The following EYA2 variants were observed in gnomAD, a reference collection of about 807,000 sequenced individuals.
EYA2 encodes protein phosphatase EYA2.
In EYA2, 31 loss-of-function variants were observed where a neutral mutation model predicts 69.2. The observed-to-expected ratio is 0.45, with a 90% CI of 0.34 to 0.60. The LOEUF (loss-of-function observed/expected upper bound fraction) is 0.60. Ranked by LOEUF, EYA2 falls within the 20% of genes least tolerant of loss-of-function variation. The pLI, the probability that EYA2 is intolerant of heterozygous loss-of-function variation, is 0.02. For missense variants in EYA2, 622 were observed against 701.2 expected, an observed-to-expected ratio of 0.89 and a Z score of 1.28; for synonymous variants, 257 against 279.4, an observed-to-expected ratio of 0.92 and a Z score of 0.80.
chr20:46,909,230 T>C (rs1984527603), intron 1 of EYA2, among the ~76,000 whole-genome samples: 1 of 152,100 alleles, frequency 6.6e-6, no homozygotes, highest in Non-Finnish European at 1.5e-5. Flanking sequence ...CAAAGAACTT[T>C]TTATGTTGTT....
intron 10 of EYA2, among the ~76,000 whole-genome samples, chr20:47,145,036 A>G (rs1422413608): frequency 6.6e-6 from 1 of 152,232 alleles, no homozygotes; most frequent in Non-Finnish European, 1.5e-5. Flanking sequence ...GGTTGTTTTC[A>G]TTCTTGCTTA....
chr20:46,929,405 G>A (rs1252008237), intron 1 of EYA2, among the ~76,000 whole-genome samples: 2 of 93,678 alleles, frequency 2.1e-5, no homozygotes, highest in South Asian at 4.7e-4. Flanking sequence ...AAAAGCTTGT[G>A]GACTGAGAAG....
intron 9 of EYA2, among the ~76,000 whole-genome samples, chr20:47,141,880 C>G (rs1019007948): frequency 1.3e-5 from 2 of 152,210 alleles, no homozygotes; most frequent in African/African-American, 4.8e-5. Context: ...TGTGCTCCTT[C>G]TTGTAGCACA....
At chr20:47,161,487 T>C in intron 10 of EYA2, 1 of 449,988 alleles carries the variant, frequency 2.2e-6, no homozygotes, top group South Asian at 1.7e-5. Context: ...GAGATAGATC[T>C]CCTCCAGGAA....
At chr20:47,158,837 TAAAAC>T (rs1377010379) in intron 10 of EYA2, among the ~76,000 whole-genome samples, 2 of 150,884 alleles carry the variant, frequency 1.3e-5, no homozygotes, top group African/African-American at 4.9e-5. Context: ...AACAACAAAA[TAAAAC>T]AAAAGCTGGA....
intron 1 of EYA2, among the ~76,000 whole-genome samples, chr20:46,904,282 G>A (rs1416273443): frequency 6.6e-6 from 1 of 152,050 alleles, no homozygotes; most frequent in Non-Finnish European, 1.5e-5. Flanking sequence ...ATGGTAGCTT[G>A]TATTATTACC....
chr20:47,017,825 G>C (rs1983502830), intron 5 of EYA2, among the ~76,000 whole-genome samples: 2 of 152,202 alleles, frequency 1.3e-5, no homozygotes, highest in South Asian at 4.1e-4. Flanking sequence ...TGACTGATTT[G>C]TCCAACACCA....
chr20:47,012,557 G>A (rs1983135405), intron 4 of EYA2, among the ~76,000 whole-genome samples: 1 of 152,194 alleles, frequency 6.6e-6, no homozygotes, highest in African/African-American at 2.4e-5. Flanking sequence ...GCATTGGCAT[G>A]ATCTTGGCTC....
At chr20:47,111,062 T>A (rs1357048907) in intron 9 of EYA2, among the ~76,000 whole-genome samples, 1 of 152,260 alleles carries the variant, frequency 6.6e-6, no homozygotes, top group African/African-American at 2.4e-5. Flanking sequence ...TAATTTTCCT[T>A]CATAGTTTTA....
intron 1 of EYA2, among the ~76,000 whole-genome samples, chr20:46,964,809 G>A (rs1198032929): frequency 1.3e-5 from 2 of 152,220 alleles, no homozygotes; most frequent in Admixed American, 6.5e-5. Context: ...GGGCAGTGCG[G>A]CTCTAGAGTC....
At chr20:47,093,093 C>T (rs2032134092) in intron 8 of EYA2, among the ~76,000 whole-genome samples, 1 of 152,210 alleles carries the variant, frequency 6.6e-6, no homozygotes, top group Non-Finnish European at 1.5e-5. Context: ...TGTATGCCTT[C>T]TCTTCCCATT....
At chr20:47,110,806 C>T (rs2032729045) in intron 9 of EYA2, among the ~76,000 whole-genome samples, 1 of 152,250 alleles carries the variant, frequency 6.6e-6, no homozygotes, top group South Asian at 2.1e-4. Flanking sequence ...CCAGGGCATT[C>T]ACCCACAAGG....
At chr20:47,089,993 G>T (rs1402614484) in intron 8 of EYA2, among the ~76,000 whole-genome samples, 1 of 152,096 alleles carries the variant, frequency 6.6e-6, no homozygotes, top group Non-Finnish European at 1.5e-5. Flanking sequence ...GCTCTAATGA[G>T]TGTGCCTCTA....
At chr20:47,002,669 G>C (rs1034249017) in intron 3 of EYA2, among the ~76,000 whole-genome samples, 1 of 152,112 alleles carries the variant, frequency 6.6e-6, no homozygotes, top group Non-Finnish European at 1.5e-5. Flanking sequence ...ATGAACATAT[G>C]CGTGCATGCA....
intron 1 of EYA2, among the ~76,000 whole-genome samples, chr20:46,952,579 C>T (rs544406469): frequency 3.3e-5 from 5 of 152,312 alleles, no homozygotes; most frequent in African/African-American, 9.6e-5. Flanking sequence ...AAGCACCCAC[C>T]GGAATAAGGA....
chr20:47,018,647 GA>G (rs1983558478), intron 5 of EYA2, among the ~76,000 whole-genome samples: 1 of 152,200 alleles, frequency 6.6e-6, no homozygotes, highest in Non-Finnish European at 1.5e-5. Flanking sequence ...CCCGCGGCAG[GA>G]AAAGGCTCAC....
chr20:46,923,794 T>A (rs1350881079), intron 1 of EYA2, among the ~76,000 whole-genome samples: 1 of 152,176 alleles, frequency 6.6e-6, no homozygotes, highest in Non-Finnish European at 1.5e-5. Flanking sequence ...GAGTATTCTT[T>A]GTACTGCCAT....
At chr20:47,113,322 C>T (rs1327521313) in intron 9 of EYA2, among the ~76,000 whole-genome samples, 1 of 152,124 alleles carries the variant, frequency 6.6e-6, no homozygotes, top group Non-Finnish European at 1.5e-5. Flanking sequence ...GAGGTGGCAC[C>T]TTTAGGCCTT....
At chr20:47,183,226 C>T (rs892204657) in intron 14 of EYA2, 65 bp from the exon 15 acceptor site, 13 of 1,462,108 alleles carry the variant, frequency 8.9e-6, no homozygotes, top group South Asian at 4.7e-5. Context: ...TCTTAATGAG[C>T]GGGTATTGGC....
Sources: allele counts gnomAD v4.1 joint callset (sites outside exome capture counted in the v4.1 genomes callset), GRCh38; gene constraint gnomAD v4.1.1; transcripts MANE v1.5; gene names NCBI Gene and HGNC (gene_info 2026-07-23, HGNC 2026-07-21).